Variants in ADGRF3 observed in about 807,000 individuals in gnomAD.
ADGRF3 encodes G protein-coupled receptor 113.
A neutral mutation model predicts 93.2 loss-of-function variants in ADGRF3; 85 were observed. The observed-to-expected ratio is 0.91, with a 90% CI of 0.77 to 1.09. ADGRF3 has a LOEUF of 1.09. ADGRF3 is among the 50% of genes least tolerant of loss of function. The pLI, the probability that ADGRF3 is intolerant of heterozygous loss-of-function variation, is 0.00. For synonymous variants in ADGRF3, 534 were observed against 532.5 expected (o/e 1.00, Z -0.04); for missense variants, 1,125 against 1,246.2 (o/e 0.90, Z 1.46).
chr2:26,320,306 G>A (rs1262342373), intron 1 of ADGRF3, among the ~76,000 whole-genome samples: 1 of 152,220 alleles, frequency 6.6e-6, no homozygotes, highest in East Asian at 1.9e-4. Flanking sequence ...AGACCAGCCT[G>A]CCCAACATGG....
chr2:26,314,690 G>A, intron 5 of ADGRF3, 67 bp from the exon 6 acceptor site: 1 of 1,404,182 alleles, frequency 7.1e-7, no homozygotes, highest in South Asian at 1.3e-5. Flanking sequence ...AATCTCTGCT[G>A]CTTTCCAAGC....
chr2:26,311,578 A>T lies in ADGRF3; in HGVS notation c.1946T>A (p.Phe649Tyr), dbSNP rs1239366042. The T allele has an allele frequency of 6.2e-7, 1 of 1,613,798 alleles. No individual in the cohort carries two copies. The highest frequency in any genetic ancestry group is 1.3e-5 in the African/African-American group (1 of 74,912). The change falls in exon 10 of 14, where the codon TTC becomes TAC. Residue 649 changes from phenylalanine (F) to tyrosine (Y), a missense_variant. By Grantham distance (22) the Phe-to-Tyr change is conservative (BLOSUM62 3). Coordinates refer to ENST00000651242, the MANE Select transcript of ADGRF3 (RefSeq NM_001321971.2). Reference protein sequence around the residue: ...GNTDGSPHCVFWDHSLFQGRG... With the variant: ...GNTDGSPHCVYWDHSLFQGRG... ...GCCCTGGAAGAGACTGTGATCCCAG[A>T]AGACACAGTGAGGGGAACCATCTGT...
In ADGRF3 at chr2:26,309,544, CCTT is replaced by C; in HGVS notation, c.2972_2974del (p.Lys991_Gly992delinsArg). ...TTCTCACCTGGCAGTGTCGCTTCCT[CCTT>C]TGCTGTGTTCCAAGATGCAGCCTTC... On this transcript the variant is annotated inframe_deletion, in exon 13 of 14. Transcript: ENST00000651242. 1 of 1,612,728 alleles carries C rather than the reference CCTT, an allele frequency of 6.2e-7. No individual in the cohort carries two copies. The highest frequency in any genetic ancestry group is 8.5e-7 in the Non-Finnish European group (1 of 1,179,516).
intron 1 of ADGRF3, among the ~76,000 whole-genome samples, chr2:26,336,315 A>AGTGTGTGTGTGTGT (rs71399385): frequency 0.33 from 49,168 of 148,414 alleles, 9,133 homozygotes; most frequent in Non-Finnish European, 0.43. Context: ...GGAGATCAAG[A>AGTGTGTGTGTGTGT]GTGTGTGTGT....
In ADGRF3 at chr2:26,310,774, G is replaced by T. The variant is rs368392634; in HGVS notation, c.2750C>A (p.Thr917Asn). Residue 917 changes from threonine (T) to asparagine (N), a missense_variant, in exon 10 of 14, where the codon ACC becomes AAC. Transcript: ENST00000651242. ...CAGAGTGGCCAGGCCCAGCCCCCAG[G>T]TGAGGCCAAAGATGGGTGTAAGAAT... ...LLILTPIFGL[T>N]WGLGLATLLE... The T allele has an allele frequency of 3.7e-6, 6 of 1,613,486 alleles. No individual in the cohort carries two copies. The highest frequency in any genetic ancestry group is 1.7e-5 in the Admixed American group (1 of 59,946).
intron 1 of ADGRF3, among the ~76,000 whole-genome samples, chr2:26,324,506 G>GTGC (rs1558394429): frequency 2.0e-5 from 3 of 151,558 alleles, no homozygotes; most frequent in African/African-American, 7.3e-5. Context: ...GCCCCAGTGT[G>GTGC]TGTTCCCCTG....
At position 26,311,505 on chromosome 2, in the gene ADGRF3, G is replaced by C. The variant is rs746691147; in HGVS notation, c.2019C>G (p.Ala673=). The change falls in exon 10 of 14, where the codon GCC becomes GCG. Residue 673 remains alanine, a synonymous_variant. Transcript: ENST00000651242. ...GGCAGAGGCACTGAGCAGTGGGGCT[G>C]GCACTGGCCACCTGTGCCTGGCACC... The part of the protein sequence containing the change: ...KEGCQAQVAS[A]SPTAQCLCQH... 1 of 1,614,012 alleles carries C rather than the reference G, an allele frequency of 6.2e-7. No individual in the cohort carries two copies. The highest frequency in any genetic ancestry group is 1.7e-5 in the Admixed American group (1 of 60,022).
intron 1 of ADGRF3, among the ~76,000 whole-genome samples, chr2:26,327,985 G>T (rs1675536907): frequency 6.6e-6 from 1 of 152,094 alleles, no homozygotes; most frequent in Non-Finnish European, 1.5e-5. Context: ...AACTTTGGGG[G>T]ACACATTCAA....
At chr2:26,334,112 T>G (rs1675912983) in intron 1 of ADGRF3, among the ~76,000 whole-genome samples, 1 of 151,756 alleles carries the variant, frequency 6.6e-6, no homozygotes, top group African/African-American at 2.4e-5. Flanking sequence ...TGTGTCCAAC[T>G]AAAATTTAAA....
intron 9 of ADGRF3, 136 bp from the exon 10 acceptor site, chr2:26,312,210 G>T: frequency 1.1e-6 from 1 of 886,466 alleles, no homozygotes; most frequent in Non-Finnish European, 1.7e-6. Flanking sequence ...AAAAGGGAGA[G>T]GAAGACAGGC....
chr2:26,314,177 A>C (rs1297924802), intron 6 of ADGRF3, among the ~76,000 whole-genome samples: 1 of 152,220 alleles, frequency 6.6e-6, no homozygotes, highest in African/African-American at 2.4e-5. Flanking sequence ...TTCCATAGAG[A>C]GTTAAATGAG....
chr2:26,345,961 G>T, intron 1 of ADGRF3, 160 bp downstream of exon 1: 1 of 671,040 alleles, frequency 1.5e-6, no homozygotes, highest in Non-Finnish European at 2.5e-6. Context: ...GATCCACGCC[G>T]ATTGGACAAC....
chr2:26,343,749 C>T (rs1451818330), intron 1 of ADGRF3, among the ~76,000 whole-genome samples: 1 of 152,144 alleles, frequency 6.6e-6, no homozygotes, highest in African/African-American at 2.4e-5. Flanking sequence ...GGCCCAAATA[C>T]CCTCTTTTTG....
chr2:26,345,950 T>C, intron 1 of ADGRF3, 171 bp downstream of exon 1: 1 of 641,462 alleles, frequency 1.6e-6, no homozygotes, highest in Middle Eastern at 4.2e-4. Context: ...TAGTGTTGCC[T>C]GATCCACGCC....
intron 5 of ADGRF3, chr2:26,314,843 T>C: frequency 1.7e-6 from 1 of 572,498 alleles, no homozygotes. Flanking sequence ...TATCGGCCCA[T>C]GCCCGTGAAT....
intron 5 of ADGRF3, 93 bp downstream of exon 5, chr2:26,315,429 G>T: frequency 7.6e-7 from 1 of 1,322,166 alleles, no homozygotes; most frequent in Non-Finnish European, 1.0e-6. Context: ...GGAGGCGTGG[G>T]AAGAAGAGGT....
rs528934466 is a variant in ADGRF3, at chr2:26,327,585, C to T, written c.115-10023G>A. On this transcript the variant is annotated intron_variant, in intron 1 of 13. Coordinates refer to ENST00000651242, the MANE Select transcript of ADGRF3 (RefSeq NM_001321971.2). ...TTTTAAATAAGGCATTTATTTCTTA[C>T]AGCTCTGGAGGCTGAGAAGTCCAAG... Among the ~76,000 whole-genome samples the T allele has an allele frequency of 1.7e-4, 26 of 150,234 alleles. No individual in the cohort carries two copies. The Middle Eastern group carries it at 0.01, about 59-fold the overall frequency.
chr2:26,331,482 G>C (rs1675764452), intron 1 of ADGRF3, among the ~76,000 whole-genome samples: 1 of 152,200 alleles, frequency 6.6e-6, no homozygotes, highest in Non-Finnish European at 1.5e-5. Flanking sequence ...CCCAGGGGCA[G>C]AGGTTGCAGT....
At position 26,311,715 on chromosome 2, in the gene ADGRF3, T is replaced by C; in HGVS notation, c.1809A>G (p.Gly603=). ...CATAGAGGGAATCCCCCAGCCCTTG[T>C]CCATAGTTTGAGGGCAGAAGGTGGT... ...KLDHLLPSNY[G]QGLGDSLYAT... is the part of the protein sequence containing the mutation. Residue 603 remains glycine (G), a synonymous_variant, in exon 10 of 14, where the codon GGA becomes GGG. Transcript: ENST00000651242. 1 of 1,613,454 alleles carries C rather than the reference T, an allele frequency of 6.2e-7. No individual in the cohort carries two copies. The highest frequency in any genetic ancestry group is 1.1e-5 in the South Asian group (1 of 90,996).
Sources: gnomAD v4.1 joint callset for allele counts (sites outside exome capture counted in the v4.1 genomes callset) on GRCh38, gnomAD v4.1.1 for gene constraint, MANE v1.5 for transcripts, NCBI Gene and HGNC (gene_info 2026-07-23, HGNC 2026-07-21) for gene names.